The following PDCD4 variants were observed in gnomAD, a reference collection of about 807,000 sequenced individuals.
The protein encoded by PDCD4 is programmed cell death protein 4.
In PDCD4, 56 loss-of-function variants were observed where a neutral mutation model predicts 54.0. That is an observed-to-expected ratio of 1.04 (90% CI 0.84 to 1.30). PDCD4 has a LOEUF of 1.30. Ranked by LOEUF, PDCD4 falls within the 50% of genes most tolerant of loss-of-function variation. The pLI, the probability that PDCD4 is intolerant of heterozygous loss-of-function variation, is 0.00. For missense variants in PDCD4, 584 were observed against 559.8 expected, an observed-to-expected ratio of 1.04 and a Z score of -0.44; for synonymous variants, 186 against 194.8, an observed-to-expected ratio of 0.95 and a Z score of 0.37.
At chr10:110,874,302 A>G (rs1474069474) in intron 1 of PDCD4, among the ~76,000 whole-genome samples, 1 of 152,256 alleles carries the variant, frequency 6.6e-6, no homozygotes, top group Admixed American at 6.5e-5. Context: ...TGCAGAAAGT[A>G]TTCTCTCAAA....
chr10:110,888,493 TAAGAAAATG>T (rs1845704693), intron 6 of PDCD4, among the ~76,000 whole-genome samples: 1 of 152,130 alleles, frequency 6.6e-6, no homozygotes, highest in East Asian at 1.9e-4. Flanking sequence ...ACACATACTT[TAAGAAAATG>T]ATTACATAAG....
intron 1 of PDCD4, among the ~76,000 whole-genome samples, chr10:110,872,590 G>T (rs867127920): frequency 6.6e-6 from 1 of 152,182 alleles, no homozygotes; most frequent in Non-Finnish European, 1.5e-5. Flanking sequence ...CCTAGCCTGA[G>T]CCCGCTGCGG....
intron 10 of PDCD4, among the ~76,000 whole-genome samples, chr10:110,895,181 G>A (rs985781846): frequency 5.3e-5 from 8 of 151,974 alleles, no homozygotes; most frequent in Non-Finnish European, 8.8e-5. Flanking sequence ...TGTCCCTCAG[G>A]TAGTAAATAT....
At chr10:110,873,127 C>T (rs1351251491) in intron 1 of PDCD4, among the ~76,000 whole-genome samples, 1 of 152,158 alleles carries the variant, frequency 6.6e-6, no homozygotes, top group Non-Finnish European at 1.5e-5. Flanking sequence ...CCTTAATATT[C>T]CTTCATTATA....
At chr10:110,881,191 C>G (rs1191469361) in intron 2 of PDCD4, 42 bp from the exon 3 acceptor site, 2 of 1,468,476 alleles carry the variant, frequency 1.4e-6, no homozygotes, top group Admixed American at 1.9e-5. Context: ...ACAGTAGATA[C>G]TTAAAATACT....
chr10:110,890,297 T>C (rs6585021), intron 7 of PDCD4, among the ~76,000 whole-genome samples: 131,113 of 152,114 alleles, frequency 0.86, 56,886 homozygotes, highest in Admixed American at 0.92. Context: ...GTGAAGTGTT[T>C]CTTCTCAGTG....
rs531616594 is a variant in PDCD4, at chr10:110,890,602, G to A, written c.922G>A (p.Gly308Arg). Residue 308 changes from glycine to arginine, a missense_variant, in exon 8 of 12, where the codon GGA (glycine) becomes AGA (arginine). Gly to Arg is a moderately radical substitution (Grantham distance 125). Coordinates refer to ENST00000280154, the MANE Select transcript of PDCD4 (RefSeq NM_014456.5). ...ATVLLSMSKGGKRKDSVWGSG... is the reference protein window; with the variant it reads ...ATVLLSMSKGRKRKDSVWGSG... Reference sequence around the variant, plus strand: ...CGTGCTTCTGAGTATGTCTAAAGGTGGAAAGCGTAAAGATAGTGTGTGGGG... The same window carrying A: ...CGTGCTTCTGAGTATGTCTAAAGGTAGAAAGCGTAAAGATAGTGTGTGGGG... 7.4e-6 allele frequency: 12 copies of A among 1,613,632 alleles called. No individual in the cohort carries two copies. The South Asian group carries it at 7.7e-5, about 10-fold the overall frequency.
chr10:110,878,828 A>G (rs1222383286), intron 2 of PDCD4, among the ~76,000 whole-genome samples: 1 of 151,034 alleles, frequency 6.6e-6, no homozygotes, highest in East Asian at 1.9e-4. Context: ...GCCTTAGCTA[A>G]TAGGTACCAG....
At chr10:110,895,420 T>A (rs1439050094) in intron 10 of PDCD4, among the ~76,000 whole-genome samples, 2 of 152,200 alleles carry the variant, frequency 1.3e-5, no homozygotes, top group Non-Finnish European at 2.9e-5. Context: ...TGTTCTTTTT[T>A]ATGGCTATGT....
chr10:110,893,048 A>C (rs554889626), intron 8 of PDCD4, among the ~76,000 whole-genome samples: 2 of 152,180 alleles, frequency 1.3e-5, no homozygotes, highest in Admixed American at 1.3e-4. Context: ...ACCATATAGC[A>C]CTGGTGTGTA....
At position 110,898,110 on chromosome 10, in the gene PDCD4, T is replaced by C; in HGVS notation, c.*22T>C. ...CTGAATATAAGAACTCTTGCAGTCT[T>C]AGATGTTATAAAAATATATATCTGA... On this transcript the variant is annotated 3_prime_UTR_variant, in exon 12 of 12. Transcript: ENST00000280154. The C allele has an allele frequency of 7.0e-7, 1 of 1,422,356 alleles. No individual in the cohort carries two copies. The highest frequency in any genetic ancestry group is 9.5e-7 in the Non-Finnish European group (1 of 1,052,772). The allele number at this position is 1,422,356 out of a possible 1,614,324, so 88.1% of individuals were successfully genotyped here.
intron 4 of PDCD4, among the ~76,000 whole-genome samples, chr10:110,884,614 C>T (rs1340015442): frequency 2.0e-5 from 3 of 151,772 alleles, no homozygotes; most frequent in Admixed American, 2.0e-4. Context: ...CATCATGAAA[C>T]TTTTTGATTA....
At chr10:110,887,219 C>T (rs558851784) in intron 5 of PDCD4, among the ~76,000 whole-genome samples, 4 of 152,142 alleles carry the variant, frequency 2.6e-5, no homozygotes, top group Admixed American at 2.6e-4. Context: ...CAGTTGTCTA[C>T]AGTATTCAGT....
rs1336924061 is a variant in PDCD4, at chr10:110,885,250, A to G, written c.442-3A>G. 2.1e-6 allele frequency: 3 copies of G among 1,432,180 alleles called. No homozygotes were observed. The highest frequency in any genetic ancestry group is 2.9e-5 in the African/African-American group (2 of 70,160). 88.7% of individuals were successfully genotyped at this position (1,432,180 alleles called of 1,614,324 possible). A position where few individuals can be genotyped will look rare whatever the true frequency, so the allele number is the denominator to read the frequency against. ...TAACTCTTACTCCCTTTTCCCCTCA[A>G]AGGAGAACTGTGTTTATGAAACTGT... On this transcript the variant is annotated splice_region_variant and splice_polypyrimidine_tract_variant and intron_variant, in intron 4 of 11. Transcript: ENST00000280154.
intron 6 of PDCD4, among the ~76,000 whole-genome samples, chr10:110,888,647 A>C (rs938673940): frequency 6.6e-6 from 1 of 152,076 alleles, no homozygotes; most frequent in African/African-American, 2.4e-5. Flanking sequence ...TAAATCCTTA[A>C]TTTTTTAAAA....
Position 110,885,366 on chromosome 10 carries a change from G to T in PDCD4, c.555G>T (p.Ala185=). Residue 185 remains alanine (A), a splice_region_variant and synonymous_variant, in exon 5 of 12, where the codon GCG becomes GCT. Coordinates refer to ENST00000280154, the MANE Select transcript of PDCD4 (RefSeq NM_014456.5). ...AGCATGGAGATACTAATGAAGTTGC[G>T]GTAGGTTTAAAGTTGCAAGTATAAT... The part of the protein sequence containing the change: ...YFEHGDTNEV[A]EMLRDLNLGE... 1 of 1,445,578 alleles carries T rather than the reference G, an allele frequency of 6.9e-7. No individual in the cohort carries two copies. Among genetic ancestry groups the T allele is most frequent in the Non-Finnish European group, 9.7e-7 (1 of 1,035,016 alleles). The allele number at this position is 1,445,578 out of a possible 1,614,324, so 89.5% of individuals were successfully genotyped here. A position where few individuals can be genotyped will look rare whatever the true frequency, so the allele number is the denominator to read the frequency against.
chr10:110,878,730 C>T (rs1032235941), intron 2 of PDCD4, among the ~76,000 whole-genome samples: 1 of 152,166 alleles, frequency 6.6e-6, no homozygotes, highest in Admixed American at 6.5e-5. Context: ...AGATATGTAA[C>T]TTCTTGTGAA....
Position 110,898,591 on chromosome 10 carries a change from T to TA in PDCD4, c.*504dup, listed in dbSNP as rs1256289038. On this transcript the variant is annotated 3_prime_UTR_variant, in exon 12 of 12. Coordinates refer to ENST00000280154, the MANE Select transcript of PDCD4 (RefSeq NM_014456.5). ...TTTTTAAAAAATTAGTCATGAGACTTATTCATCTTTCCAGGGAACATACTG... is the reference window on the plus strand; with the variant it reads ...TTTTTAAAAAATTAGTCATGAGACTTAATTCATCTTTCCAGGGAACATACTG... 6.5e-6 allele frequency: 1 copy of TA among 152,692 alleles called. No homozygotes were observed. The highest frequency in any genetic ancestry group is 1.5e-5 in the Non-Finnish European group (1 of 68,050). The allele number at this position is 152,692 out of a possible 1,614,324, so 9.5% of individuals were successfully genotyped here.
intron 5 of PDCD4, among the ~76,000 whole-genome samples, chr10:110,887,385 G>A (rs1384464043): frequency 6.6e-6 from 1 of 152,094 alleles, no homozygotes; most frequent in Non-Finnish European, 1.5e-5. Flanking sequence ...GAATGTATCT[G>A]TGTCGTGACC....
Sources: gnomAD v4.1 joint callset for allele counts (sites outside exome capture counted in the v4.1 genomes callset) on GRCh38, gnomAD v4.1.1 for gene constraint, MANE v1.5 for transcripts, NCBI Gene and HGNC (gene_info 2026-07-23, HGNC 2026-07-21) for gene names.